Variants in OGT observed in about 807,000 individuals in gnomAD.
The protein encoded by OGT is UDP-N-acetylglucosamine--peptide N-acetylglucosaminyltransferase 110 kDa subunit.
OGT carries 3 observed loss-of-function variants against 75.8 expected under a neutral mutation model. The observed-to-expected ratio is 0.04, with a 90% CI of 0.02 to 0.10. The LOEUF (loss-of-function observed/expected upper bound fraction) is 0.10, where lower values mean the gene tolerates loss of function less well. OGT is among the 10% of genes least tolerant of loss of function. The pLI is 1.00. For synonymous variants in OGT, 257 were observed against 289.7 expected (o/e 0.89, Z 1.15); for missense variants, 260 against 824.4 (o/e 0.32, Z 8.38).
intron 14 of OGT, among the ~76,000 whole-genome samples, chrX:71,561,128 A>T (rs2040380992): frequency 9.1e-6 from 1 of 109,454 alleles, no homozygotes; most frequent in African/African-American, 3.3e-5. Flanking sequence ...GGGTCTCACC[A>T]CATTGGCCAG....
Position 71,537,898 on chromosome X carries a change from G to A in OGT, c.288G>A (p.Gly96=). The A allele has an allele frequency of 8.3e-7, 1 of 1,211,861 alleles. No individual in the cohort carries two copies. Among genetic ancestry groups the A allele is most frequent in the Non-Finnish European group, 1.1e-6 (1 of 895,402 alleles). ...TGGCAGAAGCTTATTCGAATTTGGG[G>A]AATGTGTACAAGGAAAGAGGGCAGT... is the stretch of plus-strand genomic sequence containing the variant. The part of the protein sequence containing the change: ...PLLAEAYSNL[G]NVYKERGQLQ... Residue 96 remains glycine, a synonymous_variant, in exon 3 of 22, where the codon GGG becomes GGA. Coordinates refer to ENST00000373719, the MANE Select transcript of OGT (RefSeq NM_181672.3).
intron 4 of OGT, chrX:71,547,379 A>G (rs912797049): frequency 6.4e-5 from 44 of 683,010 alleles, no homozygotes; most frequent in Admixed American, 3.5e-4. Context: ...ACCCTGTTAC[A>G]CTATTAAAGG....
intron 5 of OGT, among the ~76,000 whole-genome samples, chrX:71,551,756 A>G (rs889212804): frequency 1.8e-5 from 2 of 112,206 alleles, no homozygotes; most frequent in East Asian, 2.8e-4. Flanking sequence ...AAGAACACAA[A>G]CCTAATTAAG....
At chrX:71,559,516 T>C in intron 13 of OGT, 72 bp from the exon 14 acceptor site, 1 of 1,148,320 alleles carries the variant, frequency 8.7e-7, no homozygotes, top group East Asian at 3.0e-5. Flanking sequence ...GGAAACCTAG[T>C]GTCTTTTGGA....
intron 8 of OGT, 106 bp downstream of exon 8, chrX:71,556,200 C>T: frequency 1.1e-6 from 1 of 896,547 alleles, no homozygotes; most frequent in South Asian, 2.5e-5. Context: ...GAATCATTTA[C>T]AAGAGGATTA....
At chrX:71,562,013 T>G (rs1188525655) in intron 15 of OGT, 113 bp downstream of exon 15, 1 of 738,683 alleles carries the variant, frequency 1.4e-6, no homozygotes. Context: ...GCAGACATAC[T>G]TTTAATTTTT....
chrX:71,533,535 C>T (rs772434360), intron 1 of OGT, among the ~76,000 whole-genome samples, 199 bp downstream of exon 1: 49 of 112,100 alleles, frequency 4.4e-4, no homozygotes, highest in Middle Eastern at 9.2e-3. Flanking sequence ...TCCTCCTCCT[C>T]CCTTGCTTGC....
Position 71,533,225 on chromosome X carries a change from C to T in OGT, c.-75C>T. ...GGCTGCTGCCCTTGTACTACTACCT[C>T]CAAATACGTTCTTGCTGGTAGTGGC... On this transcript the variant is annotated 5_prime_UTR_variant, in exon 1 of 22. Coordinates refer to ENST00000373719, the MANE Select transcript of OGT (RefSeq NM_181672.3). 9.7e-7 allele frequency: 1 copy of T among 1,027,291 alleles called. No individual in the cohort carries two copies. The highest frequency in any genetic ancestry group is 1.3e-6 in the Non-Finnish European group (1 of 744,108). The allele number at this position is 1,027,291 out of a possible 1,213,427, so 84.7% of individuals were successfully genotyped here. A position where few individuals can be genotyped will look rare whatever the true frequency, so the allele number is the denominator to read the frequency against.
At chrX:71,552,651 C>A (rs2040314097) in intron 5 of OGT, among the ~76,000 whole-genome samples, 1 of 109,839 alleles carries the variant, frequency 9.1e-6, no homozygotes, top group Non-Finnish European at 1.9e-5. Flanking sequence ...TCTCAAAGTG[C>A]TAGGATTACA....
intron 18 of OGT, 62 bp downstream of exon 18, chrX:71,563,561 T>C: frequency 2.2e-6 from 2 of 902,893 alleles, no homozygotes; most frequent in Non-Finnish European, 3.1e-6. Flanking sequence ...TCCCTTAACC[T>C]CATGATAACT....
chrX:71,549,311 A>T, intron 5 of OGT, among the ~76,000 whole-genome samples: 1 of 104,884 alleles, frequency 9.5e-6, no homozygotes, highest in South Asian at 4.2e-4. Context: ...AAAAAAAAAA[A>T]AAAAAAAAAA....
intron 21 of OGT, among the ~76,000 whole-genome samples, chrX:71,569,885 G>T (rs1204921464): frequency 3.0e-5 from 3 of 100,574 alleles, no homozygotes; most frequent in African/African-American, 1.1e-4. Flanking sequence ...ACAGGTGCAC[G>T]CCACCACGCC....
intron 21 of OGT, among the ~76,000 whole-genome samples, chrX:71,568,453 A>G (rs973238364): frequency 8.9e-6 from 1 of 112,593 alleles, no homozygotes; most frequent in African/African-American, 3.2e-5. Context: ...AAAAATGGAA[A>G]TGACCAGACA....
chrX:71,556,676 A>G lies in OGT; in HGVS notation c.1066-4A>G, dbSNP rs1169846088. The G allele has an allele frequency of 1.7e-5, 20 of 1,154,874 alleles. No homozygotes were observed. The highest frequency in any genetic ancestry group is 2.3e-5 in the Non-Finnish European group (20 of 860,764). ...ACCTCAGTTCTGATCTTGACTCTTT[A>G]TAGGTCTTCCCAGAGTTTGCTGCTG... On this transcript the variant is annotated splice_polypyrimidine_tract_variant and splice_region_variant and intron_variant, in intron 8 of 21. Coordinates refer to ENST00000373719, the MANE Select transcript of OGT (RefSeq NM_181672.3).
chrX:71,547,202 G>A, intron 4 of OGT: 1 of 752,610 alleles, frequency 1.3e-6, no homozygotes, highest in Non-Finnish European at 1.6e-6. Context: ...TTAAAGCCTG[G>A]CTTTATGATA....
chrX:71,562,814 T>C, intron 15 of OGT, 33 bp from the exon 16 acceptor site: 1 of 1,141,710 alleles, frequency 8.8e-7, no homozygotes, highest in Non-Finnish European at 1.2e-6. Context: ...CTGATAAAAG[T>C]TCTTAATCAG....
At chrX:71,540,661 T>A (rs1411896130) in intron 3 of OGT, among the ~76,000 whole-genome samples, 1 of 110,574 alleles carries the variant, frequency 9.0e-6, no homozygotes, top group Non-Finnish European at 1.9e-5. Context: ...TTGGTAAGAT[T>A]TTAGTCTGTC....
rs2040493362 is a variant in OGT, at chrX:71,575,868, TAATA to T, written c.*2078_*2081del. On this transcript the variant is annotated 3_prime_UTR_variant, in exon 22 of 22. Coordinates refer to ENST00000373719, the MANE Select transcript of OGT (RefSeq NM_181672.3). ...AATTAAGATGTTGTCTTGCGATCCT[TAATA>T]AATGAATGATTTCCCTTTAATACGG... 1 of 112,486 alleles carries T rather than the reference TAATA, an allele frequency of 8.9e-6. No individual in the cohort carries two copies. The highest frequency in any genetic ancestry group is 1.9e-5 in the Non-Finnish European group (1 of 53,314). 9.3% of individuals were successfully genotyped at this position (112,486 alleles called of 1,213,427 possible).
rs11345203 is a variant in OGT at position 71,574,753 on chromosome X, GT to G, written c.*977del. 20,984 of 84,320 alleles carry G rather than the reference GT, an allele frequency of 0.25. 2,876 individuals are homozygous for G. Among genetic ancestry groups the G allele is most frequent in the East Asian group, 0.49 (1,356 of 2,782 alleles). The allele number at this position is 84,320 out of a possible 1,213,427, so 6.9% of individuals were successfully genotyped here. A position where few individuals can be genotyped will look rare whatever the true frequency, so the allele number is the denominator to read the frequency against. ...TAAGATTTTTACCTTCCTTTCTAAA[GT>G]TTTTTTTTTTTTTTTTTAAGTGAGT... is the stretch of plus-strand genomic sequence containing the variant. On this transcript the variant is annotated 3_prime_UTR_variant, in exon 22 of 22. Transcript: ENST00000373719.
Sources: allele counts gnomAD v4.1 joint callset (sites outside exome capture counted in the v4.1 genomes callset), GRCh38; gene constraint gnomAD v4.1.1; transcripts MANE v1.5; gene names NCBI Gene and HGNC (gene_info 2026-07-23, HGNC 2026-07-21).